LRCH1: variants seen among roughly 807,000 people sequenced by gnomAD.
LRCH1 encodes leucine-rich repeat and calponin homology domain-containing protein 1.
In LRCH1, 23 loss-of-function variants were observed where a neutral mutation model predicts 94.9. The ratio of observed to expected loss-of-function variants is 0.24; its 90% CI spans 0.17 to 0.34. The LOEUF (loss-of-function observed/expected upper bound fraction) is 0.34. LRCH1 is among the 10% of genes least tolerant of loss of function. The pLI is 1.00. For synonymous variants in LRCH1, 364 were observed against 354.9 expected (o/e 1.03, Z -0.29); for missense variants, 790 against 945.9 (o/e 0.84, Z 2.16).
At chr13:46,618,695 G>A (rs1481449678) in intron 1 of LRCH1, among the ~76,000 whole-genome samples, 2 of 152,330 alleles carry the variant, frequency 1.3e-5, no homozygotes, top group East Asian at 3.9e-4. Context: ...CTAAGTTAAA[G>A]ATAAAATAGA....
chr13:46,613,604 G>A (rs1446995685), intron 1 of LRCH1, among the ~76,000 whole-genome samples: 7 of 152,034 alleles, frequency 4.6e-5, no homozygotes, highest in Non-Finnish European at 1.5e-5. Context: ...GCCTGGTTGC[G>A]CATTAGAATC....
chr13:46,557,890 T>C (rs2050083391), intron 1 of LRCH1, among the ~76,000 whole-genome samples: 1 of 151,672 alleles, frequency 6.6e-6, no homozygotes. Context: ...GTAAATAAAA[T>C]AAAAAATTAG....
intron 2 of LRCH1, among the ~76,000 whole-genome samples, chr13:46,661,631 C>G (rs2051449918): frequency 6.6e-6 from 1 of 152,104 alleles, no homozygotes; most frequent in Non-Finnish European, 1.5e-5. Flanking sequence ...TCAAGTTATA[C>G]AATAGAAGCT....
intron 1 of LRCH1, among the ~76,000 whole-genome samples, chr13:46,584,166 A>G (rs888676136): frequency 2.0e-5 from 3 of 152,188 alleles, no homozygotes; most frequent in Non-Finnish European, 2.9e-5. Context: ...AGTCCGTTCA[A>G]TTCACCACTG....
exon 19 of LRCH1, chr13:46,751,025 T>G: frequency 6.5e-6 from 1 of 153,246 alleles, no homozygotes; most frequent in Non-Finnish European, 1.4e-5. Flanking sequence ...GTTATGTATT[T>G]AGTGGGGGGA....
chr13:46,699,365 A>G lies in LRCH1; in HGVS notation c.1275A>G (p.Leu425=). 6.2e-7 allele frequency: 1 copy of G among 1,614,132 alleles called. No individual in the cohort carries two copies. The part of the protein sequence containing the change: ...KARAEDCEEL[L]RIEEDVHWQT... ...GGGCAGAAGACTGTGAAGAGCTGTT[A>G]CGGATAGAAGAGGATGTGCACTGGC... The change falls in exon 10 of 20, where the codon TTA becomes TTG. Residue 425 remains leucine, a synonymous_variant. Coordinates refer to ENST00000389797, the MANE Select transcript of LRCH1 (RefSeq NM_001164211.2).
At chr13:46,649,353 C>A (rs74076679) in intron 1 of LRCH1, among the ~76,000 whole-genome samples, 12,963 of 152,122 alleles carry the variant, frequency 0.085, 662 homozygotes, top group Middle Eastern at 0.16. Flanking sequence ...TCTATGTTTT[C>A]TGGAATTTGA....
intron 1 of LRCH1, among the ~76,000 whole-genome samples, chr13:46,643,871 C>T: frequency 6.6e-6 from 1 of 152,166 alleles, no homozygotes; most frequent in Admixed American, 6.5e-5. Context: ...GAATTAAGCC[C>T]ATCAGCTGAC....
At chr13:46,725,246 T>A (rs1872756171) in intron 17 of LRCH1, among the ~76,000 whole-genome samples, 1 of 152,186 alleles carries the variant, frequency 6.6e-6, no homozygotes, top group Non-Finnish European at 1.5e-5. Context: ...ACCTATTGGG[T>A]ACTATGTTCA....
chr13:46,743,861 A>G lies in LRCH1; in HGVS notation c.*2013A>G, dbSNP rs917030599. 1.0e-6 allele frequency: 1 copy of G among 983,662 alleles called. No homozygotes were observed. The highest frequency in any genetic ancestry group is 6.1e-5 in the Admixed American group (1 of 16,274). 60.9% of individuals were successfully genotyped at this position (983,662 alleles called of 1,614,324 possible). On this transcript the variant is annotated 3_prime_UTR_variant, in exon 20 of 20. Coordinates refer to ENST00000389797, the MANE Select transcript of LRCH1 (RefSeq NM_001164211.2). ...ATAGTTCAATTAAAACATGTTAAAGACAAATTAAAAGACATTTATATTTTA... is the reference window on the plus strand; with the variant it reads ...ATAGTTCAATTAAAACATGTTAAAGGCAAATTAAAAGACATTTATATTTTA...
intron 1 of LRCH1, among the ~76,000 whole-genome samples, chr13:46,605,916 A>G (rs1057148151): frequency 6.6e-6 from 1 of 152,226 alleles, no homozygotes; most frequent in Non-Finnish European, 1.5e-5. Flanking sequence ...AAGGCTTCTT[A>G]GATATTGTCG....
chr13:46,589,434 G>T (rs2050473660), intron 1 of LRCH1, among the ~76,000 whole-genome samples: 1 of 151,816 alleles, frequency 6.6e-6, no homozygotes, highest in South Asian at 2.1e-4. Context: ...ATTATATCTG[G>T]TATCCAGTCC....
At chr13:46,676,835 T>C (rs2051680516) in intron 3 of LRCH1, among the ~76,000 whole-genome samples, 2 of 152,148 alleles carry the variant, frequency 1.3e-5, no homozygotes, top group African/African-American at 2.4e-5. Context: ...TGGAATGCAG[T>C]GCCATGGTCA....
intron 17 of LRCH1, among the ~76,000 whole-genome samples, chr13:46,725,438 C>A (rs61948287): frequency 2.4e-4 from 37 of 152,178 alleles, no homozygotes; most frequent in African/African-American, 8.4e-4. Flanking sequence ...TATTGACTGT[C>A]ACTCTCTACC....
chr13:46,650,462 C>T, intron 2 of LRCH1, 117 bp downstream of exon 2: 2 of 772,806 alleles, frequency 2.6e-6, no homozygotes, highest in Non-Finnish European at 4.0e-6. Flanking sequence ...TGATGTAGGT[C>T]ACACACAGAT....
chr13:46,624,703 GCTGTTTATA>G (rs1354497067), intron 1 of LRCH1, among the ~76,000 whole-genome samples: 2 of 152,182 alleles, frequency 1.3e-5, no homozygotes, highest in Non-Finnish European at 2.9e-5. Flanking sequence ...TTAGAATTCA[GCTGTTTATA>G]CTGGTAACAG....
At chr13:46,603,163 G>A (rs1488914694) in intron 1 of LRCH1, among the ~76,000 whole-genome samples, 3 of 151,882 alleles carry the variant, frequency 2.0e-5, no homozygotes, top group Admixed American at 6.6e-5. Context: ...TTTTATGCAC[G>A]GAGCAGAGAC....
At chr13:46,619,100 C>CTTCCTTCCTTCCTTCCTTCT (rs1566180407) in intron 1 of LRCH1, among the ~76,000 whole-genome samples, 1 of 76,114 alleles carries the variant, frequency 1.3e-5, no homozygotes, top group African/African-American at 9.3e-5. Context: ...TCCTTCCTTC[C>CTTCCTTCCTTCCTTCCTTCT]TTCCTTCCTT....
intron 1 of LRCH1, among the ~76,000 whole-genome samples, chr13:46,625,634 T>G (rs995378164): frequency 6.9e-6 from 1 of 144,684 alleles, no homozygotes; most frequent in African/African-American, 2.6e-5. Flanking sequence ...TGTGTGGGGT[T>G]TTTTTTTTTT....
Sources: allele counts gnomAD v4.1 joint callset (sites outside exome capture counted in the v4.1 genomes callset), GRCh38; gene constraint gnomAD v4.1.1; transcripts MANE v1.5; gene names NCBI Gene and HGNC (gene_info 2026-07-23, HGNC 2026-07-21).